Variants in NCKAP5 observed in about 807,000 individuals in gnomAD.
The protein encoded by NCKAP5 is nck-associated protein 5.
In NCKAP5, 92 loss-of-function variants were observed where a neutral mutation model predicts 167.0. The observed-to-expected ratio is 0.55, with a 90% CI of 0.47 to 0.66. The LOEUF is 0.66. Among genes scored for constraint, NCKAP5 ranks in the 30% least tolerant of loss-of-function variants. The pLI is 0.00. For synonymous variants in NCKAP5, 891 were observed against 877.4 expected (o/e 1.02, Z -0.27); for missense variants, 2,378 against 2,315.0 (o/e 1.03, Z -0.56).
chr2:133,499,964 G>A (rs1452619752), intron 3 of NCKAP5, among the ~76,000 whole-genome samples: 5 of 151,762 alleles, frequency 3.3e-5, no homozygotes, highest in Admixed American at 6.6e-5. Flanking sequence ...TTATTCACAA[G>A]GATTTAGAAG....
chr2:133,648,501 T>C, the NCKAP5 span, among the ~76,000 whole-genome samples: 1 of 152,134 alleles, frequency 6.6e-6, no homozygotes, highest in South Asian at 2.1e-4. Flanking sequence ...AAATGACATG[T>C]TCCCTCATAA....
the NCKAP5 span, among the ~76,000 whole-genome samples, chr2:133,627,176 G>A: frequency 6.6e-6 from 1 of 151,916 alleles, no homozygotes; most frequent in Non-Finnish European, 1.5e-5. Flanking sequence ...AATGGTTAAT[G>A]TTATTTCTTT....
chr2:133,446,434 A>C (rs1256152153), intron 3 of NCKAP5, among the ~76,000 whole-genome samples: 1 of 152,228 alleles, frequency 6.6e-6, no homozygotes, highest in Non-Finnish European at 1.5e-5. Flanking sequence ...TTCGTGTAAT[A>C]ACTCATTTAA....
intron 6 of NCKAP5, among the ~76,000 whole-genome samples, chr2:133,091,252 G>A (rs769664299): frequency 3.9e-5 from 6 of 152,234 alleles, no homozygotes; most frequent in Admixed American, 6.5e-5. Context: ...ATGCAAGAAC[G>A]AACGAATACA....
chr2:132,906,989 A>G (rs117338669), intron 8 of NCKAP5, among the ~76,000 whole-genome samples: 1 of 152,336 alleles, frequency 6.6e-6, no homozygotes, highest in East Asian at 1.9e-4. Flanking sequence ...TACTGAACTT[A>G]CACTGCATCC....
chr2:132,974,490 G>T (rs2076920623), intron 7 of NCKAP5, among the ~76,000 whole-genome samples: 1 of 152,112 alleles, frequency 6.6e-6, no homozygotes, highest in African/African-American at 2.4e-5. Flanking sequence ...AAATATTCTG[G>T]ACTCCCTTTA....
intron 7 of NCKAP5, among the ~76,000 whole-genome samples, chr2:132,977,970 C>G (rs1397421058): frequency 6.6e-6 from 1 of 152,166 alleles, no homozygotes; most frequent in Non-Finnish European, 1.5e-5. Context: ...TACATTCTGA[C>G]AAACCACTCA....
chr2:133,495,860 C>A (rs1559527161), intron 3 of NCKAP5, among the ~76,000 whole-genome samples: 1 of 152,076 alleles, frequency 6.6e-6, no homozygotes, highest in African/African-American at 2.4e-5. Flanking sequence ...AAATTTTATG[C>A]CTGCCTCATA....
intron 8 of NCKAP5, among the ~76,000 whole-genome samples, chr2:132,903,842 G>A (rs532131928): frequency 6.6e-6 from 1 of 152,194 alleles, no homozygotes; most frequent in South Asian, 2.1e-4. Flanking sequence ...AGCAAATATT[G>A]TTCAAACTTA....
At chr2:133,607,815 C>G in the NCKAP5 span, among the ~76,000 whole-genome samples, 1 of 152,168 alleles carries the variant, frequency 6.6e-6, no homozygotes, top group Non-Finnish European at 1.5e-5. Context: ...ACTGACATTC[C>G]TATCCAACCC....
At chr2:132,704,733 A>G (rs1688193344) in intron 19 of NCKAP5, among the ~76,000 whole-genome samples, 1 of 152,044 alleles carries the variant, frequency 6.6e-6, no homozygotes, top group South Asian at 2.1e-4. Context: ...TTTCCCTTTA[A>G]ACACCCTTAA....
intron 3 of NCKAP5, among the ~76,000 whole-genome samples, chr2:133,406,057 G>C (rs1688406943): frequency 6.6e-6 from 1 of 152,238 alleles, no homozygotes; most frequent in African/African-American, 2.4e-5. Flanking sequence ...CAAAGCTGCA[G>C]CCCATCATCT....
the NCKAP5 span, among the ~76,000 whole-genome samples, chr2:133,615,805 T>C: frequency 2.0e-5 from 3 of 152,150 alleles, no homozygotes; most frequent in South Asian, 2.1e-4. Context: ...GTGGAACTAA[T>C]AGACAACTAC....
chr2:132,733,148 T>G (rs1197516416), intron 16 of NCKAP5, among the ~76,000 whole-genome samples: 1 of 152,172 alleles, frequency 6.6e-6, no homozygotes, highest in Non-Finnish European at 1.5e-5. Context: ...TACCACGTCA[T>G]TTCTGGAATG....
At chr2:133,142,119 A>T (rs1001108026) in intron 5 of NCKAP5, among the ~76,000 whole-genome samples, 1 of 152,174 alleles carries the variant, frequency 6.6e-6, no homozygotes. Flanking sequence ...CCTATAAATG[A>T]GCTGAGTGAG....
At chr2:133,499,098 T>C (rs1173635311) in intron 3 of NCKAP5, among the ~76,000 whole-genome samples, 2 of 152,208 alleles carry the variant, frequency 1.3e-5, no homozygotes, top group Non-Finnish European at 2.9e-5. Context: ...CCAGTAACAT[T>C]TCAATTCTGG....
At chr2:133,474,995 G>A (rs2151295887) in intron 3 of NCKAP5, among the ~76,000 whole-genome samples, 1 of 152,190 alleles carries the variant, frequency 6.6e-6, no homozygotes, top group South Asian at 2.1e-4. Flanking sequence ...ATTTTTGGTA[G>A]AGCTGTGGTT....
intron 4 of NCKAP5, among the ~76,000 whole-genome samples, chr2:133,246,212 G>A (rs145374985): frequency 1.7e-4 from 26 of 151,876 alleles, no homozygotes; most frequent in African/African-American, 5.3e-4. Flanking sequence ...AGGTAAAGGG[G>A]AGTCACTGAG....
At position 133,010,919 on chromosome 2, in the gene NCKAP5, T is replaced by C. The variant is rs373107272; in HGVS notation, c.342-16680A>G. On this transcript the variant is annotated intron_variant, in intron 6 of 19. Transcript: ENST00000409261. ...TTGAGGGGAAAGGGCAGAGAATCTA[T>C]ATACTGAAACTAATTTTTAAAAAAA... Among the ~76,000 whole-genome samples, 315 of 152,248 alleles carry C rather than the reference T, an allele frequency of 2.1e-3. 3 individuals are homozygous for C. Among genetic ancestry groups the C allele is most frequent in the African/African-American group, 7.2e-3 (301 of 41,550 alleles).
Sources: allele counts gnomAD v4.1 joint callset (sites outside exome capture counted in the v4.1 genomes callset), GRCh38; gene constraint gnomAD v4.1.1; transcripts MANE v1.5; gene names NCBI Gene and HGNC (gene_info 2026-07-23, HGNC 2026-07-21).